ACTN3: variants seen among roughly 807,000 people sequenced by gnomAD.
ACTN3 encodes the protein actinin alpha 3, also known as alpha-actinin-3.
In ACTN3, 91 loss-of-function variants were observed where a neutral mutation model predicts 119.6. That is an observed-to-expected ratio of 0.76 (90% CI 0.64 to 0.91). The LOEUF (loss-of-function observed/expected upper bound fraction) is 0.91. Ranked by LOEUF, ACTN3 falls within the 40% of genes least tolerant of loss-of-function variation. ACTN3 has a pLI of 0.00. For missense variants in ACTN3, 1,221 were observed against 1,215.1 expected (o/e 1.00, Z -0.07); for synonymous variants, 456 against 478.8 (o/e 0.95, Z 0.62).
In ACTN3 at chr11:66,556,200, C is replaced by T. The variant is rs1227694046; in HGVS notation, c.774C>T (p.Cys258=). 1 of 1,613,858 alleles carries T rather than the reference C, an allele frequency of 6.2e-7. No homozygotes were observed. The highest frequency in any genetic ancestry group is 8.5e-7 in the Non-Finnish European group (1 of 1,179,950). The change falls in exon 8 of 21, where the codon TGC becomes TGT. Residue 258 remains cysteine, a synonymous_variant. Transcript: ENST00000513398. ...AGGCCATCATGACCTATGTGTCCTG[C>T]TTCTACCATGCCTTTGCCGGGGCTG... ...DEKAIMTYVS[C]FYHAFAGAEQ...
intron 1 of ACTN3, 83 bp from the exon 2 acceptor site, chr11:66,551,156 C>A: frequency 9.9e-7 from 1 of 1,014,844 alleles, no homozygotes. Context: ...GGCTCTGAGA[C>A]CTACCCTGAC....
chr11:66,550,636 T>C (rs1466947573), intron 1 of ACTN3, among the ~76,000 whole-genome samples: 1 of 152,096 alleles, frequency 6.6e-6, no homozygotes, highest in African/African-American at 2.4e-5. Flanking sequence ...AGCAACATAG[T>C]AAGACCGTCT....
intron 17 of ACTN3, 68 bp from the exon 18 acceptor site, chr11:66,561,954 A>G: frequency 6.5e-7 from 1 of 1,537,736 alleles, no homozygotes; most frequent in African/African-American, 1.4e-5. Flanking sequence ...AGTGAACTGG[A>G]TGTGGAGCTA....
Position 66,555,187 on chromosome 11 carries a change from C to G in ACTN3, c.615C>G (p.Ile205Met). 1 of 1,614,018 alleles carries G rather than the reference C, an allele frequency of 6.2e-7. No individual in the cohort carries two copies. The highest frequency in any genetic ancestry group is 8.5e-7 in the Non-Finnish European group (1 of 1,179,990). The change falls in exon 6 of 21, where the codon ATC (isoleucine) becomes ATG (methionine). Residue 205 changes from isoleucine (I) to methionine (M), a missense_variant. Coordinates refer to ENST00000513398, the MANE Select transcript of ACTN3 (RefSeq NM_001104.4). ...ALIHRHRPDLIDYAKLRKDDP... is the reference protein window; with the variant it reads ...ALIHRHRPDLMDYAKLRKDDP... ...TCCACCGACACCGCCCTGACCTCAT[C>G]GACTACGCCAAACTGCGAAAGGTAG... is the stretch of plus-strand genomic sequence containing the variant.
At chr11:66,551,120 G>T in intron 1 of ACTN3, 119 bp from the exon 2 acceptor site, 1 of 777,534 alleles carries the variant, frequency 1.3e-6, no homozygotes. Flanking sequence ...GCTGAGCTGA[G>T]CTGAGACTTG....
intron 1 of ACTN3, among the ~76,000 whole-genome samples, chr11:66,547,893 C>T (rs1331404385): frequency 1.3e-5 from 2 of 152,156 alleles, no homozygotes; most frequent in African/African-American, 4.8e-5. Flanking sequence ...GGGCCCCTCC[C>T]TCCCTGAGCT....
Position 66,561,631 on chromosome 11 carries a change from C to CAT in ACTN3, c.2170_2171dup (p.Met724IlefsTer28). The CAT allele has an allele frequency of 6.2e-7, 1 of 1,611,222 alleles. No homozygotes were observed. Among genetic ancestry groups the CAT allele is most frequent in the Non-Finnish European group, 8.5e-7 (1 of 1,178,786 alleles). ...TCGACAATAAGCACACCGTCTACAGCATGGAGGTGGGATCACACCCTCTCA... is the reference window on the plus strand; with the variant it reads ...TCGACAATAAGCACACCGTCTACAGCATATGGAGGTGGGATCACACCCTCTCA... On this transcript the variant is annotated frameshift_variant, in exon 17 of 21. Coordinates refer to ENST00000513398, the MANE Select transcript of ACTN3 (RefSeq NM_001104.4). LOFTEE classifies it high-confidence loss of function.
intron 4 of ACTN3, 164 bp from the exon 5 acceptor site, chr11:66,554,372 C>G: frequency 5.0e-6 from 1 of 199,266 alleles, no homozygotes; most frequent in Non-Finnish European, 8.8e-6. Context: ...GTAGGAGGAT[C>G]GCTTGAGCCT....
Position 66,557,909 on chromosome 11 carries a change from T to G in ACTN3, c.1108T>G (p.Ser370Ala). 1 of 1,613,614 alleles carries G rather than the reference T, an allele frequency of 6.2e-7. No homozygotes were observed. The highest frequency in any genetic ancestry group is 8.5e-7 in the Non-Finnish European group (1 of 1,179,818). The change falls in exon 10 of 21, where the codon TCC (serine) becomes GCC (alanine). Residue 370 changes from serine (S) to alanine (A), a missense_variant. Physicochemically the swap from Ser to Ala is moderately conservative, Grantham distance 99. This residue lies in a region of ACTN3 where 934 missense variants were observed against 899.9 expected (regional missense o/e 1.04). Coordinates refer to ENST00000513398, the MANE Select transcript of ACTN3 (RefSeq NM_001104.4). ...RLSHRPAFMP[S>A]EGKLVSDIAN... ...CAGCCACCGGCCTGCCTTCATGCCCTCCGAGGGCAAGCTGGTCTCGGTGAG... is the reference window on the plus strand; with the variant it reads ...CAGCCACCGGCCTGCCTTCATGCCCGCCGAGGGCAAGCTGGTCTCGGTGAG...
chr11:66,563,209 T>C lies in ACTN3; in HGVS notation c.*16T>C. 6.3e-7 allele frequency: 1 copy of C among 1,585,982 alleles called. No homozygotes were observed. The highest frequency in any genetic ancestry group is 8.6e-7 in the Non-Finnish European group (1 of 1,162,886). On this transcript the variant is annotated 3_prime_UTR_variant, in exon 21 of 21. Coordinates refer to ENST00000513398, the MANE Select transcript of ACTN3 (RefSeq NM_001104.4). ...CGACCTTTGACCCCAACCACTGAGG[T>C]TCTCTATGCAAGATGGAGAGAGGAT...
At chr11:66,561,421 A>C in intron 16 of ACTN3, 37 bp from the exon 17 acceptor site, 1 of 1,604,392 alleles carries the variant, frequency 6.2e-7, no homozygotes, top group Non-Finnish European at 8.5e-7. Context: ...GGCCACAGGG[A>C]GTTGGGAGCC....
At chr11:66,548,618 T>C (rs1857412530) in intron 1 of ACTN3, among the ~76,000 whole-genome samples, 2 of 152,150 alleles carry the variant, frequency 1.3e-5, no homozygotes, top group African/African-American at 4.8e-5. Context: ...AAGGTGGTAA[T>C]AAACATCCTT....
intron 1 of ACTN3, among the ~76,000 whole-genome samples, chr11:66,548,265 A>C (rs1380819043): frequency 6.6e-6 from 1 of 151,854 alleles, no homozygotes; most frequent in East Asian, 1.9e-4. Flanking sequence ...ACCTGTCTCC[A>C]AGCACGGCTG....
intron 1 of ACTN3, among the ~76,000 whole-genome samples, chr11:66,547,937 G>T (rs1857395980): frequency 6.6e-6 from 1 of 152,134 alleles, no homozygotes; most frequent in Non-Finnish European, 1.5e-5. Flanking sequence ...AGTAGAGGGG[G>T]CAGGACACCT....
intron 8 of ACTN3, 77 bp from the exon 9 acceptor site, chr11:66,557,056 C>T (rs1482536985): frequency 6.6e-6 from 9 of 1,372,276 alleles, no homozygotes; most frequent in African/African-American, 4.3e-5. Flanking sequence ...CCACCGCGCT[C>T]GGCGGGGCTC....
At chr11:66,559,479 A>C in intron 12 of ACTN3, 93 bp downstream of exon 12, 3 of 1,264,498 alleles carry the variant, frequency 2.4e-6, no homozygotes, top group East Asian at 5.7e-5. Flanking sequence ...TTCTCAAGAC[A>C]CTAGGCTCTC....
intron 5 of ACTN3, 51 bp from the exon 6 acceptor site, chr11:66,555,079 A>G: frequency 6.4e-7 from 1 of 1,574,800 alleles, no homozygotes; most frequent in Non-Finnish European, 8.7e-7. Flanking sequence ...CGAGGGGAGA[A>G]CGGGGCCCCA....
At chr11:66,552,330 A>G (rs1475242840) in intron 3 of ACTN3, among the ~76,000 whole-genome samples, 1 of 151,986 alleles carries the variant, frequency 6.6e-6, no homozygotes, top group Non-Finnish European at 1.5e-5. Flanking sequence ...AGATCTTGCC[A>G]CTGCACTCCA....
chr11:66,558,126 G>C lies in ACTN3; in HGVS notation c.1228G>C (p.Ala410Pro), dbSNP rs1857644389. 7 of 1,613,878 alleles carry C rather than the reference G, an allele frequency of 4.3e-6. No individual in the cohort carries two copies. The highest frequency in any genetic ancestry group is 5.1e-6 in the Non-Finnish European group (6 of 1,179,898). Residue 410 changes from alanine to proline, a missense_variant, in exon 11 of 21, where the codon GCT becomes CCT. Ala to Pro is a conservative substitution (Grantham distance 27). This residue lies in a region of ACTN3 where 934 missense variants were observed against 899.9 expected (regional missense o/e 1.04). Transcript: ENST00000513398. Reference protein sequence around the residue: ...IRRLQRLQHLAEKFRQKASLH... With the variant: ...IRRLQRLQHLPEKFRQKASLH... ...GCGCCTGCAGCGACTCCAGCACCTGGCTGAGAAGTTCCGGCAGAAGGCCTC... is the reference window on the plus strand; with the variant it reads ...GCGCCTGCAGCGACTCCAGCACCTGCCTGAGAAGTTCCGGCAGAAGGCCTC...
Sources: allele counts gnomAD v4.1 joint callset (sites outside exome capture counted in the v4.1 genomes callset), GRCh38; gene constraint gnomAD v4.1.1; regional missense constraint gnomAD v4.1.1; transcripts MANE v1.5; gene names NCBI Gene and HGNC (gene_info 2026-07-23, HGNC 2026-07-21).